The following KCNC4 variants were observed in gnomAD, a reference collection of about 807,000 sequenced individuals.
The protein encoded by KCNC4 is voltage-gated potassium channel KCNC4.
A neutral mutation model predicts 42.8 loss-of-function variants in KCNC4; 23 were observed. The ratio of observed to expected loss-of-function variants is 0.54; its 90% CI spans 0.39 to 0.76. KCNC4 has a LOEUF of 0.76. KCNC4 is among the 30% of genes least tolerant of loss of function. The pLI, the probability that KCNC4 is intolerant of heterozygous loss-of-function variation, is 0.00. For synonymous variants in KCNC4, 422 were observed against 393.5 expected (o/e 1.07, Z -0.86); for missense variants, 751 against 898.2 (o/e 0.84, Z 2.10).
downstream of KCNC4, among the ~76,000 whole-genome samples, chr1:110,249,379 G>A (rs1255018620): frequency 2.0e-5 from 3 of 152,222 alleles, no homozygotes; most frequent in African/African-American, 4.8e-5. Flanking sequence ...AAAGTTGCTT[G>A]CAAATTCCTT....
intron 1 of KCNC4, among the ~76,000 whole-genome samples, chr1:110,261,864 T>A (rs898756945): frequency 1.3e-5 from 2 of 152,250 alleles, no homozygotes; most frequent in African/African-American, 4.8e-5. Context: ...TTAAGGTTTA[T>A]CAAAATTAAA....
At chr1:110,264,300 G>A (rs375302839) in intron 1 of KCNC4, among the ~76,000 whole-genome samples, 71 of 152,334 alleles carry the variant, frequency 4.7e-4, no homozygotes, top group African/African-American at 1.3e-3. Flanking sequence ...AAGTGGAGGA[G>A]AGAGGAACAG....
At position 110,223,710 on chromosome 1, in the gene KCNC4, C is replaced by T. The variant is rs775939037; in HGVS notation, c.1425C>T (p.Phe475=). The T allele has an allele frequency of 2.0e-5, 32 of 1,613,988 alleles. No homozygotes were observed. The East Asian group carries it at 4.5e-4, about 22-fold the overall frequency. The part of the protein sequence containing the change: ...AMPVPVIVNN[F]GMYYSLAMAK... ...CGGTGCCTGTCATCGTCAACAACTT[C>T]GGCATGTACTACTCCCTGGCCATGG... The change falls in exon 2 of 4, where the codon TTC becomes TTT. Residue 475 remains phenylalanine, a synonymous_variant. Coordinates refer to ENST00000438661, the MANE Select transcript of KCNC4 (RefSeq NM_001039574.3). The surrounding 1 kb of genome is among the most constrained non-coding windows in gnomAD (Gnocchi z 7.5).
Position 110,213,055 on chromosome 1 carries a change from C to T in KCNC4, c.678+878C>T, listed in dbSNP as rs1193213031. Among the ~76,000 whole-genome samples the T allele has an allele frequency of 1.6e-4, 24 of 150,728 alleles. No individual in the cohort carries two copies. In the Admixed American group the frequency reaches 1.6e-3, roughly 10 times the overall value. On this transcript the variant is annotated intron_variant, in intron 1 of 3. Transcript: ENST00000438661. ...GGGTGTATGAGGGAAGGGGGAAGCA[C>T]AGGTTGATTTAGGCAAGACCTACCG...
intron 1 of KCNC4, among the ~76,000 whole-genome samples, chr1:110,261,078 A>C (rs1274514982): frequency 1.3e-5 from 2 of 152,266 alleles, no homozygotes; most frequent in Non-Finnish European, 2.9e-5. Context: ...AGATATTTAA[A>C]AATTAAGCAT....
At chr1:110,269,680 G>A (rs1413146796) in intron 1 of KCNC4, among the ~76,000 whole-genome samples, 1 of 152,020 alleles carries the variant, frequency 6.6e-6, no homozygotes. Context: ...TTTATGAGTT[G>A]TAAGGTAAGT....
chr1:110,225,785 TCACAC>T, intron 2 of KCNC4, 185 bp from the exon 3 acceptor site: 2 of 587,016 alleles, frequency 3.4e-6, no homozygotes, highest in Non-Finnish European at 6.0e-6. Context: ...AAGTCAGTCT[TCACAC>T]CAAGTGTAGC....
intron 1 of KCNC4, among the ~76,000 whole-genome samples, chr1:110,267,459 A>C (rs1659560519): frequency 6.6e-6 from 1 of 152,102 alleles, no homozygotes; most frequent in Admixed American, 6.5e-5. Flanking sequence ...GAATCCGTAC[A>C]TTCCAGATAG....
At chr1:110,232,660 G>A in intron 3 of KCNC4, 2 of 1,457,500 alleles carry the variant, frequency 1.4e-6, no homozygotes, top group Non-Finnish European at 1.8e-6. Context: ...GGGGTGAAGG[G>A]TTCACCCCAT....
chr1:110,232,871 G>T (rs377199439), intron 3 of KCNC4, 40 bp from the exon 4 acceptor site: 1 of 1,590,114 alleles, frequency 6.3e-7, no homozygotes, highest in Non-Finnish European at 8.6e-7. Context: ...AGCCGAAAGC[G>T]TGCGTCCCAG....
chr1:110,240,240 AG>A (rs1659001181), exon 4 of KCNC4: 1 of 152,356 alleles, frequency 6.6e-6, no homozygotes, highest in South Asian at 2.1e-4. Flanking sequence ...GTGGGACAGC[AG>A]GGTTCCTCCA....
intron 2 of KCNC4, 67 bp from the exon 3 acceptor site, chr1:110,225,908 C>T: frequency 7.0e-7 from 1 of 1,434,724 alleles, no homozygotes; most frequent in Non-Finnish European, 9.5e-7. Context: ...CTGGGAGACC[C>T]CAGATGACCC....
At chr1:110,226,942 A>G (rs958640712) in intron 3 of KCNC4, among the ~76,000 whole-genome samples, 50 of 152,262 alleles carry the variant, frequency 3.3e-4, no homozygotes, top group African/African-American at 1.2e-3. Context: ...GCGGGTAGGA[A>G]TGATCAAGGA....
At chr1:110,249,815 T>C (rs1659219384), downstream of KCNC4, among the ~76,000 whole-genome samples, 1 of 152,214 alleles carries the variant, frequency 6.6e-6, no homozygotes, top group Non-Finnish European at 1.5e-5. Flanking sequence ...TCACATATTG[T>C]GCAACCTATA....
chr1:110,276,793 T>G (rs931408198), intron 1 of KCNC4, among the ~76,000 whole-genome samples: 3 of 152,104 alleles, frequency 2.0e-5, no homozygotes, highest in African/African-American at 7.2e-5. Flanking sequence ...CCCAGGAGCT[T>G]AGTATCTCAT....
chr1:110,232,960 C>T lies in KCNC4; in HGVS notation c.1869C>T (p.Leu623=). The T allele has an allele frequency of 6.2e-7, 1 of 1,611,214 alleles. No homozygotes were observed. Among genetic ancestry groups the T allele is most frequent in the Non-Finnish European group, 8.5e-7 (1 of 1,178,844 alleles). Residue 623 remains leucine (L), a synonymous_variant, in exon 4 of 4, where the codon CTC becomes CTT. Coordinates refer to ENST00000438661, the MANE Select transcript of KCNC4 (RefSeq NM_001039574.3). ...LSSNYAQAEV[L]TLS The stretch of plus-strand genomic sequence containing the variant: ...CCAACTATGCCCAGGCTGAAGTCCT[C>T]ACCCTCTCTTAAAGCGGCACCAACG...
intron 3 of KCNC4, among the ~76,000 whole-genome samples, chr1:110,229,431 A>G (rs929791705): frequency 6.6e-6 from 1 of 151,484 alleles, no homozygotes; most frequent in African/African-American, 2.4e-5. Flanking sequence ...TTCAGTGGTG[A>G]CTCCCACTGG....
chr1:110,252,806 G>A (rs1190138416), downstream of KCNC4, among the ~76,000 whole-genome samples: 1 of 152,184 alleles, frequency 6.6e-6, no homozygotes, highest in Non-Finnish European at 1.5e-5. Flanking sequence ...AAGCTAGTGA[G>A]TTGCAGAACC....
intron 1 of KCNC4, chr1:110,221,979 C>G (rs1418980448): frequency 1.3e-5 from 2 of 152,266 alleles, no homozygotes; most frequent in African/African-American, 2.4e-5. Flanking sequence ...CGCCGTTCCT[C>G]TGCCGAGTGC....
Sources: allele counts gnomAD v4.1 joint callset (sites outside exome capture counted in the v4.1 genomes callset), GRCh38; gene constraint gnomAD v4.1.1; non-coding constraint Gnocchi (gnomAD v3.1); transcripts MANE v1.5; gene names NCBI Gene and HGNC (gene_info 2026-07-23, HGNC 2026-07-21).